The following CNTD1 variants were observed in gnomAD, a reference collection of about 807,000 sequenced individuals.
The protein encoded by CNTD1 is cyclin N-terminal domain-containing protein 1.
In CNTD1, 17 loss-of-function variants were observed where a neutral mutation model predicts 36.3. That is an observed-to-expected ratio of 0.47 (90% confidence interval 0.32 to 0.70). The LOEUF (loss-of-function observed/expected upper bound fraction) is 0.70, where lower values mean the gene tolerates loss of function less well. CNTD1 is among the 30% of genes least tolerant of loss of function. CNTD1 has a pLI of 0.03. For synonymous variants in CNTD1, 128 were observed against 153.3 expected (o/e 0.83, Z 1.22); for missense variants, 338 against 386.1 (o/e 0.88, Z 1.04).
Position 42,809,806 on chromosome 17 carries a change from A to T in CNTD1, c.*271A>T. 3.1e-6 allele frequency: 1 copy of T among 320,394 alleles called. No homozygotes were observed. The highest frequency in any genetic ancestry group is 5.8e-6 in the Non-Finnish European group (1 of 172,610). The allele number at this position is 320,394 out of a possible 1,614,324, so 19.8% of individuals were successfully genotyped here. On this transcript the variant is annotated 3_prime_UTR_variant, in exon 7 of 7. Transcript: ENST00000588408. ...AACAAGGTATTTATACTTTTAGCTT[A>T]ATTTCATTAAGAGGAACATCAGGCA...
chr17:42,807,085 A>T (rs1403752759), intron 5 of CNTD1, among the ~76,000 whole-genome samples: 1 of 151,964 alleles, frequency 6.6e-6, no homozygotes, highest in Non-Finnish European at 1.5e-5. Flanking sequence ...GCTGCATAAA[A>T]CTCAAGGTTA....
At position 42,809,623 on chromosome 17, in the gene CNTD1, T is replaced by C; in HGVS notation, c.*88T>C. The C allele has an allele frequency of 8.1e-7, 1 of 1,237,780 alleles. No individual in the cohort carries two copies. The highest frequency in any genetic ancestry group is 1.4e-5 in the South Asian group (1 of 70,924). The allele number at this position is 1,237,780 out of a possible 1,614,324, so 76.7% of individuals were successfully genotyped here. A position where few individuals can be genotyped will look rare whatever the true frequency, so the allele number is the denominator to read the frequency against. On this transcript the variant is annotated 3_prime_UTR_variant, in exon 7 of 7. Coordinates refer to ENST00000588408, the MANE Select transcript of CNTD1 (RefSeq NM_173478.3). Reference sequence around the variant, plus strand: ...TACTTTCATACTAAGGGTACAAAAATTCCAAGTCTCTTTTGAACTGTATTT... The same window carrying C: ...TACTTTCATACTAAGGGTACAAAAACTCCAAGTCTCTTTTGAACTGTATTT...
In CNTD1 at chr17:42,810,920, A is replaced by G; in HGVS notation, c.*1385A>G. The G allele has an allele frequency of 1.2e-6, 2 of 1,608,424 alleles. No individual in the cohort carries two copies. Among genetic ancestry groups the G allele is most frequent in the Non-Finnish European group, 1.7e-6 (2 of 1,177,636 alleles). On this transcript the variant is annotated 3_prime_UTR_variant, in exon 7 of 7. Transcript: ENST00000588408. ...TGTGTCTTCAATCTTGCCTTTCTCC[A>G]CATCCATCCTGCAGATGGACAGAGC...
intron 6 of CNTD1, among the ~76,000 whole-genome samples, chr17:42,808,311 G>C (rs2054914624): frequency 6.6e-6 from 1 of 152,056 alleles, no homozygotes; most frequent in Admixed American, 6.5e-5. Context: ...CACTTTAGGA[G>C]GCCGAGGTGG....
At chr17:42,805,654 T>C in intron 3 of CNTD1, 68 bp from the exon 4 acceptor site, 1 of 1,369,950 alleles carries the variant, frequency 7.3e-7, no homozygotes, top group East Asian at 2.3e-5. Flanking sequence ...TGAAGGGCTT[T>C]GTGCACTCTG....
intron 5 of CNTD1, 115 bp downstream of exon 5, chr17:42,806,933 T>A: frequency 1.1e-6 from 1 of 901,394 alleles, no homozygotes. Context: ...GATAACCTAC[T>A]CAGGCTACCT....
intron 4 of CNTD1, among the ~76,000 whole-genome samples, chr17:42,806,158 G>A (rs1006309289): frequency 6.6e-6 from 1 of 151,870 alleles, no homozygotes; most frequent in Non-Finnish European, 1.5e-5. Context: ...AACCTGGAAG[G>A]TGTAGGTTGC....
Position 42,805,846 on chromosome 17 carries a change from C to CT in CNTD1, c.543dup (p.Pro182SerfsTer40). On this transcript the variant is annotated frameshift_variant, in exon 4 of 7. Coordinates refer to ENST00000588408, the MANE Select transcript of CNTD1 (RefSeq NM_173478.3). LOFTEE classifies it high-confidence loss of function. Reference sequence around the variant, plus strand: ...TTGAACTTCCGAATTAATCTGCCCACTCCCCTGGCATATGTGGAGACGCTC... The same window carrying CT: ...TTGAACTTCCGAATTAATCTGCCCACTTCCCCTGGCATATGTGGAGACGCTC... 6.2e-7 allele frequency: 1 copy of CT among 1,613,976 alleles called. No individual in the cohort carries two copies. Among genetic ancestry groups the CT allele is most frequent in the Non-Finnish European group, 8.5e-7 (1 of 1,179,924 alleles).
Position 42,810,881 on chromosome 17 carries a change from C to T in CNTD1, c.*1346C>T, listed in dbSNP as rs1399770118. On this transcript the variant is annotated 3_prime_UTR_variant, in exon 7 of 7. Transcript: ENST00000588408. ...AAACTGGGTTTTGATGGAATAGGAGCCGCCACTGCCTCCTGTGTCTTCAAT... is the reference window on the plus strand; with the variant it reads ...AAACTGGGTTTTGATGGAATAGGAGTCGCCACTGCCTCCTGTGTCTTCAAT... 2.5e-6 allele frequency: 4 copies of T among 1,612,800 alleles called. No individual in the cohort carries two copies.
intron 1 of CNTD1, among the ~76,000 whole-genome samples, chr17:42,801,543 AT>A (rs1206107511): frequency 2.0e-3 from 102 of 50,424 alleles, no homozygotes; most frequent in South Asian, 7.9e-3. Flanking sequence ...ATATATATAT[AT>A]ATAATATATG....
chr17:42,809,698 G>T lies in CNTD1; in HGVS notation c.*163G>T. ...TTCCTTTATCAGAGAGAGTTAAGGT[G>T]GACGAGCATGCCCTTTTTGTCATAT... is the stretch of plus-strand genomic sequence containing the variant. On this transcript the variant is annotated 3_prime_UTR_variant, in exon 7 of 7. Coordinates refer to ENST00000588408, the MANE Select transcript of CNTD1 (RefSeq NM_173478.3). 1.7e-6 allele frequency: 1 copy of T among 599,934 alleles called. No individual in the cohort carries two copies. Among genetic ancestry groups the T allele is most frequent in the Non-Finnish European group, 2.8e-6 (1 of 357,644 alleles). The allele number at this position is 599,934 out of a possible 1,614,324, so 37.2% of individuals were successfully genotyped here.
chr17:42,807,119 T>C (rs561623189), intron 5 of CNTD1, among the ~76,000 whole-genome samples: 1 of 151,804 alleles, frequency 6.6e-6, no homozygotes, highest in South Asian at 2.1e-4. Flanking sequence ...GTCAGTCATT[T>C]AGAAAAAAAA....
At position 42,811,392 on chromosome 17, in the gene CNTD1, G is replaced by A; in HGVS notation, c.*1857G>A. 2.7e-6 allele frequency: 1 copy of A among 368,600 alleles called. No individual in the cohort carries two copies. The highest frequency in any genetic ancestry group is 4.8e-6 in the Non-Finnish European group (1 of 208,502). 22.8% of individuals were successfully genotyped at this position (368,600 alleles called of 1,614,324 possible). On this transcript the variant is annotated 3_prime_UTR_variant, in exon 7 of 7. Coordinates refer to ENST00000588408, the MANE Select transcript of CNTD1 (RefSeq NM_173478.3). ...AAGGGCTTCAGGGAAAAACCTTCTTGAAACTGGAGAGGAGGCTTGAGCTCT... is the reference window on the plus strand; with the variant it reads ...AAGGGCTTCAGGGAAAAACCTTCTTAAAACTGGAGAGGAGGCTTGAGCTCT...
intron 6 of CNTD1, among the ~76,000 whole-genome samples, chr17:42,808,470 G>C (rs1051159218): frequency 6.6e-6 from 1 of 150,772 alleles, no homozygotes; most frequent in Non-Finnish European, 1.5e-5. Context: ...AGGATCCCTT[G>C]AGCCTGGGAG....
rs1183807256 is a variant in CNTD1 at position 42,809,493 on chromosome 17, G to A, written c.951G>A (p.Leu317=). ...PGRQQSIPPH[L]AARALKTVAS... ...GACAGCAGTCTATTCCTCCCCACCT[G>A]GCAGCCAGAGCTCTGAAGACTGTTG... The change falls in exon 7 of 7, where the codon CTG becomes CTA. Residue 317 remains leucine, a synonymous_variant. Coordinates refer to ENST00000588408, the MANE Select transcript of CNTD1 (RefSeq NM_173478.3). The A allele has an allele frequency of 4.3e-6, 7 of 1,614,040 alleles. No homozygotes were observed. In the East Asian group the frequency reaches 6.7e-5, roughly 15 times the overall value.
At position 42,810,643 on chromosome 17, in the gene CNTD1, C is replaced by CT; in HGVS notation, c.*1114dup. On this transcript the variant is annotated 3_prime_UTR_variant, in exon 7 of 7. Coordinates refer to ENST00000588408, the MANE Select transcript of CNTD1 (RefSeq NM_173478.3). ...ATAAAGTGGCTTTTGTGGATTTTTTCTTTTTTGGTATTGTAAACATGTACT... is the reference window on the plus strand; with the variant it reads ...ATAAAGTGGCTTTTGTGGATTTTTTCTTTTTTTGGTATTGTAAACATGTACT... 8.9e-7 allele frequency: 1 copy of CT among 1,128,934 alleles called. No individual in the cohort carries two copies. The highest frequency in any genetic ancestry group is 3.1e-5 in the Admixed American group (1 of 32,708). The allele number at this position is 1,128,934 out of a possible 1,614,324, so 69.9% of individuals were successfully genotyped here.
At position 42,811,088 on chromosome 17, in the gene CNTD1, C is replaced by T; in HGVS notation, c.*1553C>T. 1 of 679,600 alleles carries T rather than the reference C, an allele frequency of 1.5e-6. No homozygotes were observed. The highest frequency in any genetic ancestry group is 2.3e-6 in the Non-Finnish European group (1 of 436,746). The allele number at this position is 679,600 out of a possible 1,614,324, so 42.1% of individuals were successfully genotyped here. ...TTGGATTTGCTTGAAAGCCAAAAAT[C>T]AAGAAGACTGTCACAAGAGCCTCAT... On this transcript the variant is annotated 3_prime_UTR_variant, in exon 7 of 7. Coordinates refer to ENST00000588408, the MANE Select transcript of CNTD1 (RefSeq NM_173478.3).
upstream of CNTD1, chr17:42,798,816 G>C: frequency 6.9e-7 from 1 of 1,448,014 alleles, no homozygotes; most frequent in South Asian, 1.5e-5. Context: ...CGGGCACAGG[G>C]GATGGACGCG....
chr17:42,807,663 A>T (rs2054903047), intron 5 of CNTD1, 105 bp from the exon 6 acceptor site: 1 of 830,180 alleles, frequency 1.2e-6, no homozygotes, highest in Admixed American at 2.1e-5. Flanking sequence ...TAAAAAATCC[A>T]AGATGATCGA....
Sources: gnomAD v4.1 joint callset for allele counts (sites outside exome capture counted in the v4.1 genomes callset) on GRCh38, gnomAD v4.1.1 for gene constraint, MANE v1.5 for transcripts, NCBI Gene and HGNC (gene_info 2026-07-23, HGNC 2026-07-21) for gene names.